The following SNW1 variants were observed in gnomAD, a reference collection of about 807,000 sequenced individuals.
SNW1 encodes SNW domain containing 1.
Under a neutral mutation model 75.6 loss-of-function variants are expected in SNW1, and 9 were observed. That is an observed-to-expected ratio of 0.12 (90% CI 0.07 to 0.21). The LOEUF is 0.21. Among genes scored for constraint, SNW1 ranks in the 10% least tolerant of loss-of-function variants. The pLI, the probability that SNW1 is intolerant of heterozygous loss-of-function variation, is 1.00. For synonymous variants in SNW1, 200 were observed against 219.1 expected (o/e 0.91, Z 0.77); for missense variants, 409 against 670.9 (o/e 0.61, Z 4.31).
chr14:77,744,135 CA>C (rs11335114), intron 3 of SNW1, among the ~76,000 whole-genome samples: 95,136 of 121,618 alleles, frequency 0.78, 36,260 homozygotes, highest in Middle Eastern at 0.83. Context: ...GACTCCATCT[CA>C]AAAAAAAAAA....
chr14:77,730,546 C>T (rs189050813), intron 10 of SNW1, among the ~76,000 whole-genome samples: 1 of 152,246 alleles, frequency 6.6e-6, no homozygotes, highest in Admixed American at 6.5e-5. Context: ...ATGTAGACCA[C>T]TAAGTAAAGT....
chr14:77,735,251 G>A (rs143329902), intron 7 of SNW1, among the ~76,000 whole-genome samples: 40 of 152,184 alleles, frequency 2.6e-4, no homozygotes, highest in African/African-American at 9.4e-4. Flanking sequence ...TATAAATGTT[G>A]GCTAGTATTT....
At chr14:77,737,991 CAAAAAAAAAAA>C in intron 5 of SNW1, among the ~76,000 whole-genome samples, 1 of 74,162 alleles carries the variant, frequency 1.3e-5, no homozygotes, top group Non-Finnish European at 2.4e-5. Flanking sequence ...GACTCCATCT[CAAAAAAAAAAA>C]AAAAAAAAGA....
chr14:77,758,475 T>G (rs1485890601), intron 1 of SNW1, among the ~76,000 whole-genome samples: 2 of 152,206 alleles, frequency 1.3e-5, no homozygotes, highest in Non-Finnish European at 2.9e-5. Flanking sequence ...ACAGCTTGCA[T>G]CTCAGCACTC....
chr14:77,760,694 G>C (rs769710875), intron 1 of SNW1: 3 of 702,354 alleles, frequency 4.3e-6, no homozygotes, highest in Admixed American at 2.0e-5. Flanking sequence ...CGAAAGGAGA[G>C]AGACCACCAC....
At chr14:77,748,518 A>G (rs1003661200) in intron 3 of SNW1, among the ~76,000 whole-genome samples, 1 of 152,146 alleles carries the variant, frequency 6.6e-6, no homozygotes, top group Non-Finnish European at 1.5e-5. Context: ...AGTAGGAGAA[A>G]AGCGGGCAGG....
At chr14:77,752,601 C>G (rs768887958) in intron 2 of SNW1, among the ~76,000 whole-genome samples, 1 of 152,072 alleles carries the variant, frequency 6.6e-6, no homozygotes, top group Non-Finnish European at 1.5e-5. Flanking sequence ...ATATGCAGCA[C>G]CTGAACCCAG....
At chr14:77,753,880 G>A (rs956029469) in intron 2 of SNW1, among the ~76,000 whole-genome samples, 1 of 151,640 alleles carries the variant, frequency 6.6e-6, no homozygotes, top group African/African-American at 2.4e-5. Context: ...TTGAACCCAG[G>A]AGGCGAAGGC....
chr14:77,728,057 A>G (rs1018242653), intron 10 of SNW1, among the ~76,000 whole-genome samples: 30 of 151,856 alleles, frequency 2.0e-4, no homozygotes, highest in Admixed American at 1.7e-3. Context: ...TTGTTAAAAA[A>G]AAAAAAAAAA....
intron 8 of SNW1, among the ~76,000 whole-genome samples, chr14:77,733,398 GCTGTA>G (rs973508566): frequency 7.9e-5 from 12 of 152,266 alleles, no homozygotes; most frequent in African/African-American, 2.4e-4. Context: ...AGTTAAATCT[GCTGTA>G]CTGTCTTAAT....
chr14:77,741,048 G>T (rs2139916011), intron 3 of SNW1, among the ~76,000 whole-genome samples: 1 of 131,486 alleles, frequency 7.6e-6, no homozygotes, highest in East Asian at 2.3e-4. Flanking sequence ...AGTGAGCCGA[G>T]ATCATGCCAT....
At chr14:77,741,705 T>G (rs1366769725) in intron 3 of SNW1, among the ~76,000 whole-genome samples, 1 of 152,072 alleles carries the variant, frequency 6.6e-6, no homozygotes, top group Non-Finnish European at 1.5e-5. Flanking sequence ...TGGAAAAACC[T>G]ATACAACCCT....
chr14:77,751,730 G>A (rs1317311362), intron 2 of SNW1, among the ~76,000 whole-genome samples: 1 of 151,314 alleles, frequency 6.6e-6, no homozygotes, highest in African/African-American at 2.4e-5. Context: ...CTTTTGATAG[G>A]GTGGTTGGGG....
intron 3 of SNW1, among the ~76,000 whole-genome samples, chr14:77,750,465 G>A (rs2080798429): frequency 2.0e-5 from 3 of 152,180 alleles, no homozygotes; most frequent in Admixed American, 2.0e-4. Flanking sequence ...CTGCATGATT[G>A]CATAATTGTC....
chr14:77,757,894 C>T (rs2080853444), intron 1 of SNW1, among the ~76,000 whole-genome samples: 1 of 151,946 alleles, frequency 6.6e-6, no homozygotes, highest in Admixed American at 6.6e-5. Context: ...ATTGGCTATT[C>T]CTTCTGCCAT....
chr14:77,736,138 A>G, intron 6 of SNW1, 132 bp from the exon 7 acceptor site: 1 of 594,750 alleles, frequency 1.7e-6, no homozygotes, highest in Middle Eastern at 3.3e-4. Context: ...AATGATATAC[A>G]TTTACCACTC....
At chr14:77,742,044 T>G (rs1281154896) in intron 3 of SNW1, among the ~76,000 whole-genome samples, 1 of 152,068 alleles carries the variant, frequency 6.6e-6, no homozygotes, top group Non-Finnish European at 1.5e-5. Flanking sequence ...CATTTTTTTT[T>G]TTTTGAGACG....
At chr14:77,747,651 A>G (rs7158826) in intron 3 of SNW1, among the ~76,000 whole-genome samples, 126,450 of 150,066 alleles carry the variant, frequency 0.84, 53,272 homozygotes, top group African/African-American at 0.88. Flanking sequence ...CAGCCGTCCC[A>G]TCTGGGAAGT....
intron 8 of SNW1, among the ~76,000 whole-genome samples, chr14:77,734,415 A>G (rs749861917): frequency 4.5e-4 from 69 of 152,100 alleles, no homozygotes; most frequent in Admixed American, 2.6e-4. Context: ...TTCCTTCTCT[A>G]TGTGCTTCTG....
Sources: allele counts gnomAD v4.1 joint callset (sites outside exome capture counted in the v4.1 genomes callset), GRCh38; gene constraint gnomAD v4.1.1; transcripts MANE v1.5; gene names NCBI Gene and HGNC (gene_info 2026-07-23, HGNC 2026-07-21).